The following RAPH1 variants were observed in gnomAD, a reference collection of about 807,000 sequenced individuals.
RAPH1 encodes the protein ras-associated and pleckstrin homology domains-containing protein 1.
Under a neutral mutation model 88.1 loss-of-function variants are expected in RAPH1, and 18 were observed. The observed-to-expected ratio is 0.20, with a 90% CI of 0.14 to 0.30. RAPH1 has a LOEUF of 0.30. Among genes scored for constraint, RAPH1 ranks in the 10% least tolerant of loss-of-function variants. The pLI is 1.00. For missense variants in RAPH1, 1,448 were observed against 1,543.2 expected (o/e 0.94, Z 1.03); for synonymous variants, 587 against 559.0 (o/e 1.05, Z -0.71).
chr2:203,444,125 AAAAG>A (rs1006586541), intron 13 of RAPH1: 1 of 147,638 alleles, frequency 6.8e-6, no homozygotes, highest in Non-Finnish European at 1.5e-5. Context: ...AAAAGAATAA[AAAAG>A]AAGAGAAAAA....
rs879834567 is a variant in RAPH1 at position 203,434,314 on chromosome 2, A to G, written c.*5123T>C. 6.6e-6 allele frequency: 1 copy of G among 152,582 alleles called. No homozygotes were observed. The highest frequency in any genetic ancestry group is 1.5e-5 in the Non-Finnish European group (1 of 68,022). 9.5% of individuals were successfully genotyped at this position (152,582 alleles called of 1,614,324 possible). A position where few individuals can be genotyped will look rare whatever the true frequency, so the allele number is the denominator to read the frequency against. ...TATCTACCTATGGCAAAGCTCCCACAGCCTACAAGTTGGTGTGAGCCTTGA... is the reference window on the plus strand; with the variant it reads ...TATCTACCTATGGCAAAGCTCCCACGGCCTACAAGTTGGTGTGAGCCTTGA... On this transcript the variant is annotated 3_prime_UTR_variant, in exon 14 of 14. Coordinates refer to ENST00000319170, the MANE Select transcript of RAPH1 (RefSeq NM_213589.3).
chr2:203,496,589 T>C (rs1688525746), intron 1 of RAPH1, among the ~76,000 whole-genome samples: 1 of 152,228 alleles, frequency 6.6e-6, no homozygotes, highest in African/African-American at 2.4e-5. Flanking sequence ...GGCATGTTAG[T>C]ATGAACTTGA....
chr2:203,495,142 A>C, intron 2 of RAPH1, 92 bp downstream of exon 2: 2 of 1,416,998 alleles, frequency 1.4e-6, no homozygotes, highest in Non-Finnish European at 1.9e-6. Flanking sequence ...ATACTTTAAA[A>C]TTTAACTTAT....
Position 203,503,730 on chromosome 2 carries a change from A to G in RAPH1, c.1-8377T>C, listed in dbSNP as rs527683685. On this transcript the variant is annotated intron_variant, in intron 1 of 13. Transcript: ENST00000319170. ...CACAGTCCAAAGTCCCATCTGAGAC[A>G]AGGCAAGTCCCTTCTGCCTATGAGC... 9.8e-5 allele frequency among the ~76,000 whole-genome samples: 15 copies of G among 152,336 alleles called. No homozygotes were observed. The East Asian group carries it at 1.7e-3, about 18-fold the overall frequency.
intron 1 of RAPH1, among the ~76,000 whole-genome samples, chr2:203,495,883 C>T (rs1227282365): frequency 2.0e-5 from 3 of 152,232 alleles, no homozygotes; most frequent in Non-Finnish European, 4.4e-5. Flanking sequence ...ATTCTACCCT[C>T]CTACCCTCAC....
intron 1 of RAPH1, among the ~76,000 whole-genome samples, chr2:203,523,436 G>A (rs1424694168): frequency 6.7e-6 from 1 of 150,300 alleles, no homozygotes; most frequent in African/African-American, 2.4e-5. Flanking sequence ...AGGCAATGAG[G>A]AAAGTGTTTT....
chr2:203,467,269 A>T (rs1044756146), intron 4 of RAPH1, among the ~76,000 whole-genome samples: 4 of 152,098 alleles, frequency 2.6e-5, no homozygotes, highest in African/African-American at 9.7e-5. Flanking sequence ...AAACTCAGAT[A>T]AAAAATATAG....
chr2:203,499,511 CAG>C (rs1688650428), intron 1 of RAPH1, among the ~76,000 whole-genome samples: 1 of 151,990 alleles, frequency 6.6e-6, no homozygotes, highest in Non-Finnish European at 1.5e-5. Flanking sequence ...CACCTGAGGT[CAG>C]GAGTTCAAGA....
chr2:203,506,888 A>ATC (rs1559495100), intron 1 of RAPH1, among the ~76,000 whole-genome samples: 2 of 103,170 alleles, frequency 1.9e-5, no homozygotes, highest in South Asian at 2.6e-4. Flanking sequence ...ATAGATATAT[A>ATC]TATATATATA....
chr2:203,522,316 AAAT>A (rs1471800529), intron 1 of RAPH1, among the ~76,000 whole-genome samples: 4 of 152,256 alleles, frequency 2.6e-5, no homozygotes, highest in Non-Finnish European at 5.9e-5. Context: ...AGCTATGTGT[AAAT>A]AATGATGTAG....
At chr2:203,460,070 A>T in intron 6 of RAPH1, 42 bp from the exon 7 acceptor site, 1 of 1,554,534 alleles carries the variant, frequency 6.4e-7, no homozygotes, top group Non-Finnish European at 8.7e-7. Context: ...AGTATTCATT[A>T]GAGTTGCATG....
At chr2:203,442,146 A>G (rs1326939026) in intron 13 of RAPH1, 2 of 1,471,530 alleles carry the variant, frequency 1.4e-6, no homozygotes, top group Non-Finnish European at 1.8e-6. Context: ...TATCATACAG[A>G]AAAAGCCAGA....
Position 203,535,178 on chromosome 2 carries a change from T to TGCCTCC in RAPH1, c.-74_-69dup, listed in dbSNP as rs1285420725. 6.6e-6 allele frequency: 1 copy of TGCCTCC among 152,546 alleles called. No individual in the cohort carries two copies. The highest frequency in any genetic ancestry group is 1.9e-4 in the East Asian group (1 of 5,186). 9.4% of individuals were successfully genotyped at this position (152,546 alleles called of 1,614,324 possible). A position where few individuals can be genotyped will look rare whatever the true frequency, so the allele number is the denominator to read the frequency against. On this transcript the variant is annotated 5_prime_UTR_variant, in exon 1 of 14. Transcript: ENST00000319170. The stretch of plus-strand genomic sequence containing the variant: ...CCGCCGCTCGCGCTCCTCCAGCCGC[T>TGCCTCC]GCCTCCGCCTCCTCCCCAGGCGCGG...
At chr2:203,495,738 G>A (rs986390070) in intron 1 of RAPH1, among the ~76,000 whole-genome samples, 3 of 151,966 alleles carry the variant, frequency 2.0e-5, no homozygotes, top group African/African-American at 7.2e-5. Flanking sequence ...GACTTTAATG[G>A]AGCAAATTAT....
Position 203,439,587 on chromosome 2 carries a change from T to C in RAPH1, c.3603A>G (p.Ala1201=), listed in dbSNP as rs1206847349. 1.2e-6 allele frequency: 2 copies of C among 1,614,076 alleles called. No homozygotes were observed. The highest frequency in any genetic ancestry group is 1.1e-5 in the South Asian group (1 of 91,072). ...AEPTATMDDM[A]LPPPPPELLS... ...GCAGTTCAGGGGGTGGTGGAGGCAA[T>C]GCCATATCATCCATGGTGGCTGTTG... The change falls in exon 14 of 14, where the codon GCA becomes GCG. Residue 1201 remains alanine, a synonymous_variant. Transcript: ENST00000319170.
chr2:203,438,150 C>T lies in RAPH1; in HGVS notation c.*1287G>A. 1 of 518,834 alleles carries T rather than the reference C, an allele frequency of 1.9e-6. No homozygotes were observed. Among genetic ancestry groups the T allele is most frequent in the South Asian group, 1.4e-5 (1 of 71,456 alleles). The allele number at this position is 518,834 out of a possible 1,614,324, so 32.1% of individuals were successfully genotyped here. Reference sequence around the variant, plus strand: ...CCATCAGAACACCTAGTAACCTGAACTAATCACAACCAGGCTGCAGTCAGC... The same window carrying T: ...CCATCAGAACACCTAGTAACCTGAATTAATCACAACCAGGCTGCAGTCAGC... On this transcript the variant is annotated 3_prime_UTR_variant, in exon 14 of 14. Coordinates refer to ENST00000319170, the MANE Select transcript of RAPH1 (RefSeq NM_213589.3).
In RAPH1 at chr2:203,471,045, C is replaced by T. The variant is rs551585088; in HGVS notation, c.733-9120G>A. On this transcript the variant is annotated intron_variant, in intron 4 of 13. Coordinates refer to ENST00000319170, the MANE Select transcript of RAPH1 (RefSeq NM_213589.3). ...ATGGCATGGTCCCTATCATTCTCCC[C>T]TTAACTTTTCAGTAACATGTTGTAA... Among the ~76,000 whole-genome samples the T allele has an allele frequency of 2.0e-5, 3 of 152,248 alleles. No homozygotes were observed. The East Asian group carries it at 5.8e-4, about 29-fold the overall frequency.
At chr2:203,477,249 G>C (rs1034732224) in intron 4 of RAPH1, 2 of 940,568 alleles carry the variant, frequency 2.1e-6, no homozygotes, top group African/African-American at 1.6e-5. Context: ...GATCAATGAA[G>C]TGAAACAAAA....
intron 4 of RAPH1, among the ~76,000 whole-genome samples, chr2:203,465,476 G>A (rs2098527744): frequency 6.6e-6 from 1 of 152,204 alleles, no homozygotes; most frequent in Non-Finnish European, 1.5e-5. Flanking sequence ...AGTTGCCAGG[G>A]GTTAAGAAGG....
Sources: gnomAD v4.1 joint callset for allele counts (sites outside exome capture counted in the v4.1 genomes callset) on GRCh38, gnomAD v4.1.1 for gene constraint, MANE v1.5 for transcripts, NCBI Gene and HGNC (gene_info 2026-07-23, HGNC 2026-07-21) for gene names.